The following MARCHF1 variants were observed in gnomAD, a reference collection of about 807,000 sequenced individuals.
MARCHF1 encodes membrane associated ring-CH-type finger 1.
MARCHF1 carries 40 observed loss-of-function variants against 54.2 expected under a neutral mutation model. The ratio of observed to expected loss-of-function variants is 0.74; its 90% CI spans 0.57 to 0.96. The LOEUF is 0.96. Ranked by LOEUF, MARCHF1 falls within the 40% of genes least tolerant of loss-of-function variation. The probability of loss-of-function intolerance (pLI) is 0.00; values close to 1 mark genes in which losing one functional copy is unlikely to be tolerated. For missense variants in MARCHF1, 586 were observed against 656.5 expected, an observed-to-expected ratio of 0.89 and a Z score of 1.17; for synonymous variants, 236 against 236.3, an observed-to-expected ratio of 1.00 and a Z score of 0.01.
chr4:163,972,318 G>A (rs1414844417), intron 3 of MARCHF1, among the ~76,000 whole-genome samples: 1 of 152,012 alleles, frequency 6.6e-6, no homozygotes, highest in African/African-American at 2.4e-5. Context: ...TGCACGTTCT[G>A]CACATGTATC....
chr4:164,096,589 G>A (rs13142885), intron 2 of MARCHF1, among the ~76,000 whole-genome samples: 21,213 of 151,718 alleles, frequency 0.14, 2,392 homozygotes, highest in African/African-American at 0.32. Context: ...AATTTAAAAA[G>A]TGTGCCTCCA....
At chr4:164,210,789 G>C (rs1327388598) in intron 1 of MARCHF1, among the ~76,000 whole-genome samples, 1 of 152,024 alleles carries the variant, frequency 6.6e-6, no homozygotes. Context: ...CCAAGACAAG[G>C]AAGCAACCTA....
chr4:164,378,295 T>C (rs1731257752), intron 1 of MARCHF1, among the ~76,000 whole-genome samples: 1 of 152,218 alleles, frequency 6.6e-6, no homozygotes, highest in Admixed American at 6.5e-5. Context: ...CTTGAGGGAC[T>C]GGAGAGACAA....
At chr4:163,531,904 T>C (rs1738366832) in intron 9 of MARCHF1, among the ~76,000 whole-genome samples, 1 of 151,846 alleles carries the variant, frequency 6.6e-6, no homozygotes, top group South Asian at 2.1e-4. Flanking sequence ...ACAAGATTTA[T>C]GTGAGAAAAA....
chr4:163,767,166 G>A (rs976667307), intron 4 of MARCHF1, among the ~76,000 whole-genome samples: 4 of 148,662 alleles, frequency 2.7e-5, no homozygotes, highest in African/African-American at 9.9e-5. Flanking sequence ...AGATCTGCCT[G>A]ACTCTACAGT....
intron 9 of MARCHF1, among the ~76,000 whole-genome samples, chr4:163,533,030 C>T (rs1265814386): frequency 3.9e-5 from 6 of 151,916 alleles, no homozygotes; most frequent in African/African-American, 7.2e-5. Context: ...CAAAAACTTA[C>T]GTCCACACAA....
At chr4:163,864,402 C>T (rs1750006932) in intron 3 of MARCHF1, among the ~76,000 whole-genome samples, 1 of 151,740 alleles carries the variant, frequency 6.6e-6, no homozygotes, top group Admixed American at 6.6e-5. Context: ...CTGTCACGGA[C>T]ATGAAAAGCA....
At chr4:163,984,213 G>A (rs938112302) in intron 3 of MARCHF1, among the ~76,000 whole-genome samples, 5 of 152,188 alleles carry the variant, frequency 3.3e-5, no homozygotes, top group African/African-American at 1.2e-4. Flanking sequence ...GATATCTCAG[G>A]AAGAAAAACT....
rs113071365 is a variant in MARCHF1 at position 163,860,165 on chromosome 4, C to T, written c.-38-5996G>A. ...AGAGGAAAATATAGAGAATTATGGT[C>T]GATTTCAGAATACATGGAGAGAAGT... On this transcript the variant is annotated intron_variant, in intron 3 of 9. Coordinates refer to ENST00000514618, the MANE Select transcript of MARCHF1 (RefSeq NM_001394959.1). 7.2e-3 allele frequency among the ~76,000 whole-genome samples: 1,092 copies of T among 152,128 alleles called. 14 individuals carry two copies. Among genetic ancestry groups the T allele is most frequent in the African/African-American group, 0.025 (1,035 of 41,506 alleles).
intron 5 of MARCHF1, among the ~76,000 whole-genome samples, chr4:163,673,024 A>G (rs1355826274): frequency 6.6e-6 from 1 of 152,108 alleles, no homozygotes; most frequent in Non-Finnish European, 1.5e-5. Flanking sequence ...TCATCTCAAG[A>G]TTCTTAATCA....
At chr4:163,675,946 C>A (rs1264332127) in intron 5 of MARCHF1, among the ~76,000 whole-genome samples, 1 of 152,094 alleles carries the variant, frequency 6.6e-6, no homozygotes, top group Non-Finnish European at 1.5e-5. Context: ...AACAAAGATG[C>A]CTATTTTTCC....
intron 4 of MARCHF1, among the ~76,000 whole-genome samples, chr4:163,844,605 G>C (rs1749433854): frequency 6.6e-6 from 1 of 152,144 alleles, no homozygotes; most frequent in Non-Finnish European, 1.5e-5. Flanking sequence ...ATTCAATATA[G>C]AGTAGCCAGG....
chr4:164,112,159 G>A (rs1755845513), intron 1 of MARCHF1, among the ~76,000 whole-genome samples: 1 of 151,828 alleles, frequency 6.6e-6, no homozygotes, highest in Non-Finnish European at 1.5e-5. Context: ...GGTGATTGAA[G>A]GATAAGCAAC....
chr4:163,881,411 C>T (rs1346533833), intron 3 of MARCHF1, among the ~76,000 whole-genome samples: 2 of 151,998 alleles, frequency 1.3e-5, no homozygotes, highest in African/African-American at 4.8e-5. Flanking sequence ...GCAGAGGTTG[C>T]AGTGAGCCAA....
intron 2 of MARCHF1, among the ~76,000 whole-genome samples, chr4:164,021,158 A>G (rs1336897461): frequency 6.6e-6 from 1 of 151,522 alleles, no homozygotes; most frequent in African/African-American, 2.4e-5. Flanking sequence ...CCAGTTGGGA[A>G]GCAAAAGCCA....
intron 7 of MARCHF1, among the ~76,000 whole-genome samples, chr4:163,604,304 A>T (rs1741073327): frequency 6.6e-6 from 1 of 152,014 alleles, no homozygotes; most frequent in African/African-American, 2.4e-5. Context: ...CCCTTTTTAA[A>T]TCTCTCTCTC....
chr4:164,174,568 A>T (rs1299012829), intron 1 of MARCHF1, among the ~76,000 whole-genome samples: 1 of 152,174 alleles, frequency 6.6e-6, no homozygotes, highest in Non-Finnish European at 1.5e-5. Flanking sequence ...TGATGGTTGT[A>T]TCTACTGAGA....
In MARCHF1 at chr4:164,050,201, G is replaced by A. The variant is rs968749101; in HGVS notation, c.-248+61387C>T. 2.8e-5 allele frequency among the ~76,000 whole-genome samples: 4 copies of A among 144,758 alleles called. No homozygotes were observed. In the Admixed American group the frequency reaches 2.9e-4, roughly 11 times the overall value. The allele number at this position is 144,758 out of a possible 152,430, so 95.0% of individuals were successfully genotyped here. ...GAGGCAGGAGAATCGCTTGAACCCAGGAGGTGGAGGTTGCAGTGAGCCAAG... is the reference window on the plus strand; with the variant it reads ...GAGGCAGGAGAATCGCTTGAACCCAAGAGGTGGAGGTTGCAGTGAGCCAAG... On this transcript the variant is annotated intron_variant, in intron 2 of 9. Coordinates refer to ENST00000514618, the MANE Select transcript of MARCHF1 (RefSeq NM_001394959.1).
intron 2 of MARCHF1, among the ~76,000 whole-genome samples, chr4:164,025,425 A>G (rs1471657553): frequency 6.6e-6 from 1 of 152,136 alleles, no homozygotes; most frequent in African/African-American, 2.4e-5. Flanking sequence ...AGAAATTACT[A>G]TCAAGAAGGT....
Sources: gnomAD v4.1 joint callset for allele counts (sites outside exome capture counted in the v4.1 genomes callset) on GRCh38, gnomAD v4.1.1 for gene constraint, MANE v1.5 for transcripts, NCBI Gene and HGNC (gene_info 2026-07-23, HGNC 2026-07-21) for gene names.